Variants in PALM2AKAP2 observed in about 807,000 individuals in gnomAD.
PALM2AKAP2 encodes PALM2 and AKAP2 fusion, also known as PALM2-AKAP2 fusion protein.
In PALM2AKAP2, 37 loss-of-function variants were observed where a neutral mutation model predicts 71.5. The ratio of observed to expected loss-of-function variants is 0.52; its 90% CI spans 0.40 to 0.68. PALM2AKAP2 has a LOEUF of 0.68. Among genes scored for constraint, PALM2AKAP2 ranks in the 30% least tolerant of loss-of-function variants. The pLI is 0.00. For missense variants in PALM2AKAP2, 1,224 were observed against 1,191.8 expected (o/e 1.03, Z -0.40); for synonymous variants, 468 against 478.8 (o/e 0.98, Z 0.29).
chr9:109,835,038 A>G (rs1303833887), intron 1 of PALM2AKAP2, among the ~76,000 whole-genome samples: 1 of 152,010 alleles, frequency 6.6e-6, no homozygotes, highest in Non-Finnish European at 1.5e-5. Context: ...CTCAGCTGTC[A>G]CAGTGCCATT....
At chr9:109,954,593 G>A (rs919006801) in intron 6 of PALM2AKAP2, among the ~76,000 whole-genome samples, 1 of 146,634 alleles carries the variant, frequency 6.8e-6, no homozygotes, top group Non-Finnish European at 1.5e-5. Flanking sequence ...CACCAGCATG[G>A]CACATGTATA....
intron 1 of PALM2AKAP2, among the ~76,000 whole-genome samples, chr9:110,070,790 G>C (rs1834187050): frequency 6.6e-6 from 1 of 152,088 alleles, no homozygotes. Context: ...CATGACCTTT[G>C]GCGTGCTACT....
intron 1 of PALM2AKAP2, among the ~76,000 whole-genome samples, chr9:109,698,434 C>T (rs956897174): frequency 4.6e-5 from 7 of 152,116 alleles, no homozygotes; most frequent in African/African-American, 1.4e-4. Context: ...CATGCCACCA[C>T]GCCTGGCTAA....
intron 1 of PALM2AKAP2, among the ~76,000 whole-genome samples, chr9:110,084,562 T>C (rs1277399917): frequency 6.6e-6 from 1 of 152,178 alleles, no homozygotes; most frequent in African/African-American, 2.4e-5. Flanking sequence ...GTCCTTAATA[T>C]AGAATGGTGT....
intron 1 of PALM2AKAP2, among the ~76,000 whole-genome samples, chr9:109,799,430 C>A (rs780350065): frequency 4.6e-5 from 7 of 152,190 alleles, no homozygotes; most frequent in Non-Finnish European, 8.8e-5. Context: ...CCTGCCAGTG[C>A]TGGTACATTC....
intron 1 of PALM2AKAP2, among the ~76,000 whole-genome samples, chr9:109,696,977 CCT>C (rs1827980860): frequency 6.6e-6 from 1 of 152,142 alleles, no homozygotes; most frequent in African/African-American, 2.4e-5. Flanking sequence ...TTGACTAAAA[CCT>C]CATCTTTCCT....
intron 1 of PALM2AKAP2, among the ~76,000 whole-genome samples, chr9:109,789,241 A>G (rs1400383231): frequency 1.3e-5 from 2 of 152,216 alleles, no homozygotes; most frequent in Non-Finnish European, 2.9e-5. Context: ...GGCTTGCCAT[A>G]CATATGATGG....
chr9:109,711,602 G>A (rs1828238770), intron 1 of PALM2AKAP2, among the ~76,000 whole-genome samples: 1 of 152,250 alleles, frequency 6.6e-6, no homozygotes, highest in South Asian at 2.1e-4. Context: ...GAGTGTGCTG[G>A]TTAAAGGGGT....
At chr9:110,039,662 A>G (rs1273790722) in intron 7 of PALM2AKAP2, among the ~76,000 whole-genome samples, 2 of 151,412 alleles carry the variant, frequency 1.3e-5, no homozygotes, top group African/African-American at 4.9e-5. Context: ...ACCCATCCCA[A>G]GCATGTAAAG....
At chr9:110,113,086 T>C (rs1057303038) in intron 1 of PALM2AKAP2, among the ~76,000 whole-genome samples, 13 of 152,328 alleles carry the variant, frequency 8.5e-5, no homozygotes, top group Non-Finnish European at 1.5e-4. Flanking sequence ...ACAGCATACA[T>C]GTATGCTTCT....
chr9:109,674,807 T>G (rs562587087), intron 1 of PALM2AKAP2, among the ~76,000 whole-genome samples: 1 of 152,230 alleles, frequency 6.6e-6, no homozygotes, highest in South Asian at 2.1e-4. Context: ...AAATATTACC[T>G]GAATAGAGGA....
intron 7 of PALM2AKAP2, among the ~76,000 whole-genome samples, chr9:110,019,011 G>A (rs537116884): frequency 1.3e-5 from 2 of 152,238 alleles, no homozygotes; most frequent in East Asian, 3.9e-4. Flanking sequence ...GGAGGCCAAG[G>A]TGGGTGGATC....
Position 109,819,702 on chromosome 9 carries a change from TG to T in PALM2AKAP2, c.45+39170del. 3.5e-5 allele frequency among the ~76,000 whole-genome samples: 3 copies of T among 85,350 alleles called. No individual in the cohort carries two copies. In the South Asian group the frequency reaches 9.6e-4, roughly 27 times the overall value. 56.0% of individuals were successfully genotyped at this position (85,350 alleles called of 152,430 possible). On this transcript the variant is annotated intron_variant, in intron 1 of 9. Coordinates refer to the PALM2AKAP2 transcript ENST00000302798. The stretch of plus-strand genomic sequence containing the variant: ...ATAAAGGCCTAATTATGTGTGTGTG[TG>T]TATGTGTGTGTGTGTGTGTGTGTGT...
chr9:109,925,878 G>A (rs1470507188), intron 5 of PALM2AKAP2, among the ~76,000 whole-genome samples: 1 of 152,140 alleles, frequency 6.6e-6, no homozygotes, highest in Non-Finnish European at 1.5e-5. Context: ...TTGTTGGAAA[G>A]ACCAGATATT....
intron 1 of PALM2AKAP2, among the ~76,000 whole-genome samples, chr9:109,649,249 T>C (rs1384307687): frequency 2.0e-5 from 3 of 152,142 alleles, no homozygotes; most frequent in Non-Finnish European, 2.9e-5. Context: ...TGGCTTTCAA[T>C]TGAAGAATCT....
At chr9:109,925,213 G>T in intron 5 of PALM2AKAP2, 131 bp downstream of exon 5, 1 of 1,411,250 alleles carries the variant, frequency 7.1e-7, no homozygotes. Context: ...AGCAGCGCTG[G>T]TTGCAGGCCA....
chr9:109,944,619 G>C (rs765259067), intron 6 of PALM2AKAP2: 2 of 151,924 alleles, frequency 1.3e-5, no homozygotes, highest in Non-Finnish European at 2.9e-5. Context: ...TCTTCTCAAT[G>C]TTAAGCACTT....
At chr9:109,740,897 C>A (rs926646559) in intron 1 of PALM2AKAP2, among the ~76,000 whole-genome samples, 22 of 152,130 alleles carry the variant, frequency 1.4e-4, no homozygotes, top group African/African-American at 5.1e-4. Context: ...CGTGATCTGC[C>A]CACCTCGGCC....
chr9:109,688,803 A>T (rs773899388), intron 1 of PALM2AKAP2, among the ~76,000 whole-genome samples: 5 of 152,244 alleles, frequency 3.3e-5, no homozygotes, highest in Non-Finnish European at 7.3e-5. Context: ...AAAAGTACAT[A>T]ATGGTCCAAT....
Sources: gnomAD v4.1 joint callset for allele counts (sites outside exome capture counted in the v4.1 genomes callset) on GRCh38, gnomAD v4.1.1 for gene constraint, MANE v1.5 for transcripts, NCBI Gene and HGNC (gene_info 2026-07-23, HGNC 2026-07-21) for gene names.